KMT2C: variants seen among roughly 807,000 people sequenced by gnomAD.
The protein encoded by KMT2C is lysine methyltransferase 2C.
A neutral mutation model predicts 507.9 loss-of-function variants in KMT2C; 88 were observed. The ratio of observed to expected loss-of-function variants is 0.17; its 90% CI spans 0.15 to 0.21. The LOEUF is 0.21. KMT2C is among the 10% of genes least tolerant of loss of function. KMT2C has a pLI of 1.00. For synonymous variants in KMT2C, 2,049 were observed against 2,080.8 expected, an observed-to-expected ratio of 0.98 and a Z score of 0.42; for missense variants, 4,954 against 5,957.8, an observed-to-expected ratio of 0.83 and a Z score of 5.55.
chr7:152,182,481 A>G lies in KMT2C; in HGVS notation c.5379T>C (p.Leu1793=), dbSNP rs1238407976. The part of the protein sequence containing the change: ...QQQQQFGSQH[L]LVQSGSDTPS... ...GTGTATCTGAACCAGACTGCACCAGAAGATGCTGAGAACCAAATTGCTGTT... is the reference window on the plus strand; with the variant it reads ...GTGTATCTGAACCAGACTGCACCAGGAGATGCTGAGAACCAAATTGCTGTT... Residue 1793 remains leucine (L), a synonymous_variant, in exon 36 of 59, where the codon CTT becomes CTC. Coordinates refer to ENST00000262189, the MANE Select transcript of KMT2C (RefSeq NM_170606.3). The G allele has an allele frequency of 1.9e-6, 3 of 1,613,986 alleles. No homozygotes were observed. The highest frequency in any genetic ancestry group is 2.5e-6 in the Non-Finnish European group (3 of 1,179,986).
At chr7:152,409,171 T>G (rs994933037) in intron 1 of KMT2C, among the ~76,000 whole-genome samples, 2 of 151,966 alleles carry the variant, frequency 1.3e-5, no homozygotes, top group Non-Finnish European at 2.9e-5. Flanking sequence ...CACACCTGGC[T>G]AATTTTTGTA....
chr7:152,375,279 T>G (rs2097319787), intron 1 of KMT2C, among the ~76,000 whole-genome samples: 2 of 151,748 alleles, frequency 1.3e-5, no homozygotes, highest in South Asian at 4.2e-4. Context: ...TGACCTCAGG[T>G]GATCTGCCCA....
chr7:152,144,650 T>C lies in KMT2C; in HGVS notation c.14343+63A>G, dbSNP rs986462866. 4.1e-6 allele frequency: 6 copies of C among 1,479,336 alleles called. No homozygotes were observed. Among genetic ancestry groups the C allele is most frequent in the Non-Finnish European group, 5.6e-6 (6 of 1,075,628 alleles). The allele number at this position is 1,479,336 out of a possible 1,614,324, so 91.6% of individuals were successfully genotyped here. A position where few individuals can be genotyped will look rare whatever the true frequency, so the allele number is the denominator to read the frequency against. The stretch of plus-strand genomic sequence containing the variant: ...ATCATTTTCACATACTGGACATCAA[T>C]AGCTTCAGATTGCTAGACTCCACCC... On this transcript the variant is annotated intron_variant, in intron 55 of 58. Coordinates refer to ENST00000262189, the MANE Select transcript of KMT2C (RefSeq NM_170606.3). This position sits in a 1 kb window ranked among gnomAD's most constrained non-coding sequence, Gnocchi z 4.4.
At chr7:152,139,536 T>C in intron 56 of KMT2C, 139 bp downstream of exon 56, 1 of 663,734 alleles carries the variant, frequency 1.5e-6, no homozygotes, top group South Asian at 1.8e-5. Context: ...AAAAATACAC[T>C]AATATACAGA....
intron 40 of KMT2C, 133 bp downstream of exon 40, chr7:152,171,131 A>G (rs540332165): frequency 2.5e-5 from 12 of 488,660 alleles, no homozygotes; most frequent in African/African-American, 1.2e-4. Flanking sequence ...GGCAAATGGC[A>G]TATGGTGAAA....
intron 7 of KMT2C, among the ~76,000 whole-genome samples, chr7:152,271,269 A>G (rs970148400): frequency 3.3e-5 from 5 of 152,182 alleles, no homozygotes; most frequent in Non-Finnish European, 7.3e-5. Context: ...AAGGTGACAA[A>G]ACATCCTATC....
At chr7:152,158,504 ATTGT>A (rs72012141) in intron 44 of KMT2C, among the ~76,000 whole-genome samples, 26,044 of 149,652 alleles carry the variant, frequency 0.17, 2,386 homozygotes, top group African/African-American at 0.24. Flanking sequence ...GTGTCCTTGA[ATTGT>A]TTGTTTTTTT....
At chr7:152,289,321 G>C (rs1236066896) in intron 6 of KMT2C, among the ~76,000 whole-genome samples, 1 of 152,144 alleles carries the variant, frequency 6.6e-6, no homozygotes, top group Non-Finnish European at 1.5e-5. Context: ...AAATAATGTA[G>C]AGTATCATTG....
At chr7:152,300,612 T>C (rs1420333456) in intron 6 of KMT2C, among the ~76,000 whole-genome samples, 1 of 152,204 alleles carries the variant, frequency 6.6e-6, no homozygotes, top group African/African-American at 2.4e-5. Context: ...CTACTATATA[T>C]CCATACTATG....
At chr7:152,172,898 C>CT (rs2093030799) in intron 39 of KMT2C, among the ~76,000 whole-genome samples, 2 of 152,044 alleles carry the variant, frequency 1.3e-5, no homozygotes, top group Admixed American at 1.3e-4. Context: ...TTTGTTAATA[C>CT]TTTAAGGAAC....
intron 1 of KMT2C, among the ~76,000 whole-genome samples, chr7:152,398,648 C>T (rs1192335223): frequency 1.3e-5 from 2 of 152,042 alleles, no homozygotes; most frequent in African/African-American, 4.8e-5. Flanking sequence ...GATCCTCCTA[C>T]CTCGGCCTTC....
chr7:152,282,998 T>C (rs2096245675), intron 6 of KMT2C, among the ~76,000 whole-genome samples: 2 of 152,206 alleles, frequency 1.3e-5, no homozygotes, highest in South Asian at 2.1e-4. Flanking sequence ...ATCTCTCCAA[T>C]AGTGGGTTAA....
chr7:152,234,403 A>AT (rs1417144502), intron 16 of KMT2C, among the ~76,000 whole-genome samples: 39 of 152,242 alleles, frequency 2.6e-4, no homozygotes, highest in Non-Finnish European at 1.5e-5. Context: ...AGAAAAAAAA[A>AT]AGGAAAACAC....
chr7:152,206,830 T>C (rs2094320847), intron 24 of KMT2C, among the ~76,000 whole-genome samples: 1 of 152,186 alleles, frequency 6.6e-6, no homozygotes, highest in African/African-American at 2.4e-5. Flanking sequence ...AACTGGACTA[T>C]AAATTCTAGG....
At chr7:152,160,070 G>A (rs1195131370) in intron 43 of KMT2C, among the ~76,000 whole-genome samples, 1 of 152,174 alleles carries the variant, frequency 6.6e-6, no homozygotes, top group Non-Finnish European at 1.5e-5. Context: ...ATAAATCAAT[G>A]AGCTTGGCTG....
rs2095584828 is a variant in KMT2C, at chr7:152,252,961, T to C, written c.1300-246A>G. Among the ~76,000 whole-genome samples, 3 of 152,000 alleles carry C rather than the reference T, an allele frequency of 2.0e-5. No individual in the cohort carries two copies. In the South Asian group the frequency reaches 6.2e-4, roughly 32 times the overall value. On this transcript the variant is annotated intron_variant, in intron 9 of 58. Transcript: ENST00000262189. ...TCTGCCTCCTGGGTTCAAGTGATTC[T>C]CTCCTGCCTCAGCCTCCTGAGTAGC...
At chr7:152,337,627 C>G (rs1563913762) in intron 2 of KMT2C, among the ~76,000 whole-genome samples, 1 of 152,118 alleles carries the variant, frequency 6.6e-6, no homozygotes, top group Non-Finnish European at 1.5e-5. Context: ...TGACCTTTGG[C>G]AAGTTACTTA....
intron 26 of KMT2C, among the ~76,000 whole-genome samples, chr7:152,202,643 T>G (rs887739540): frequency 1.3e-5 from 2 of 152,174 alleles, no homozygotes; most frequent in African/African-American, 4.8e-5. Context: ...TATCAATGAC[T>G]TGGAAGATTG....
In KMT2C at chr7:152,385,611, C is replaced by CAAAAAA. The variant is rs1160527130; in HGVS notation, c.162-26942_162-26937dup. Among the ~76,000 whole-genome samples the CAAAAAA allele has an allele frequency of 4.9e-3, 95 of 19,446 alleles. 24 individuals carry two copies. Among genetic ancestry groups the CAAAAAA allele is most frequent in the Non-Finnish European group, 5.3e-3 (74 of 13,912 alleles). 12.8% of individuals were successfully genotyped at this position (19,446 alleles called of 152,430 possible). A position where few individuals can be genotyped will look rare whatever the true frequency, so the allele number is the denominator to read the frequency against. On this transcript the variant is annotated intron_variant, in intron 1 of 58. Transcript: ENST00000262189. ...TGGGCGACAGAGCGAGACTCCGTCTCAAAAAAAAAAAAAAAAAAAAAAAAA... is the reference window on the plus strand; with the variant it reads ...TGGGCGACAGAGCGAGACTCCGTCTCAAAAAAAAAAAAAAAAAAAAAAAAAAAAAAA...
Sources: allele counts gnomAD v4.1 joint callset (sites outside exome capture counted in the v4.1 genomes callset), GRCh38; gene constraint gnomAD v4.1.1; non-coding constraint Gnocchi (gnomAD v3.1); transcripts MANE v1.5; gene names NCBI Gene and HGNC (gene_info 2026-07-23, HGNC 2026-07-21).